ATP2B1: variants seen among roughly 807,000 people sequenced by gnomAD.
ATP2B1 encodes ATPase plasma membrane Ca2+ transporting 1.
A neutral mutation model predicts 124.2 loss-of-function variants in ATP2B1; 14 were observed. The observed-to-expected ratio is 0.11, with a 90% CI of 0.07 to 0.18. The LOEUF (loss-of-function observed/expected upper bound fraction) is 0.18. Ranked by LOEUF, ATP2B1 falls within the 10% of genes least tolerant of loss-of-function variation. ATP2B1 has a pLI of 1.00. For missense variants in ATP2B1, 763 were observed against 1,466.1 expected, an observed-to-expected ratio of 0.52 and a Z score of 7.83; for synonymous variants, 449 against 492.4, an observed-to-expected ratio of 0.91 and a Z score of 1.17.
At position 89,662,690 on chromosome 12, in the gene ATP2B1, C is replaced by G. The variant is rs568813765; in HGVS notation, c.-221-6583G>C. 3.5e-4 allele frequency among the ~76,000 whole-genome samples: 54 copies of G among 152,156 alleles called. No homozygotes were observed. The South Asian group carries it at 5.6e-3, about 16-fold the overall frequency. On this transcript the variant is annotated intron_variant, in intron 1 of 20. Coordinates refer to ENST00000428670, the MANE Select transcript of ATP2B1 (RefSeq NM_001366521.1). ...TAGAGCTGATAAAGCAGAAAATAAG[C>G]ATTATCTAAAATGCCTGATTTATTA...
At chr12:89,696,293 CA>C (rs1443943555) in intron 1 of ATP2B1, among the ~76,000 whole-genome samples, 1 of 152,168 alleles carries the variant, frequency 6.6e-6, no homozygotes, top group Non-Finnish European at 1.5e-5. Context: ...AAATTTTAGT[CA>C]TAAGACCACA....
intron 1 of ATP2B1, among the ~76,000 whole-genome samples, chr12:89,680,856 A>G (rs1181476627): frequency 1.3e-5 from 2 of 152,200 alleles, no homozygotes; most frequent in Admixed American, 6.5e-5. Flanking sequence ...ATTACTTTAA[A>G]AAGTAAGAAA....
intron 1 of ATP2B1, among the ~76,000 whole-genome samples, chr12:89,682,413 G>A (rs553053550): frequency 7.0e-4 from 106 of 152,150 alleles, no homozygotes; most frequent in African/African-American, 1.6e-3. Flanking sequence ...AAACCACAGC[G>A]AAGAATAAAG....
chr12:89,626,324 C>T (rs1482078249), intron 8 of ATP2B1, 130 bp downstream of exon 8: 4 of 1,017,088 alleles, frequency 3.9e-6, no homozygotes, highest in Non-Finnish European at 5.6e-6. Flanking sequence ...GTAGCTAGAA[C>T]TGAAAATATT....
At chr12:89,647,504 T>A (rs1884641992) in intron 2 of ATP2B1, among the ~76,000 whole-genome samples, 2 of 152,156 alleles carry the variant, frequency 1.3e-5, no homozygotes, top group Admixed American at 1.3e-4. Context: ...TATGTCCCAA[T>A]TTAGGAATAA....
At chr12:89,628,973 T>C (rs1023336477) in intron 6 of ATP2B1, among the ~76,000 whole-genome samples, 2 of 151,624 alleles carry the variant, frequency 1.3e-5, no homozygotes, top group South Asian at 2.1e-4. Flanking sequence ...GAAGAAAAAA[T>C]GTTGCCCTGT....
chr12:89,590,917 T>C lies in ATP2B1; in HGVS notation c.*67A>G. Reference sequence around the variant, plus strand: ...GAATACTAGCTTGTCCATCACAATATGTGAAAAGACCCAGTTTCAATTTGT... The same window carrying C: ...GAATACTAGCTTGTCCATCACAATACGTGAAAAGACCCAGTTTCAATTTGT... On this transcript the variant is annotated 3_prime_UTR_variant, in exon 21 of 21. Transcript: ENST00000428670. 1 of 1,444,636 alleles carries C rather than the reference T, an allele frequency of 6.9e-7. No homozygotes were observed. Among genetic ancestry groups the C allele is most frequent in the Non-Finnish European group, 9.5e-7 (1 of 1,049,122 alleles). The allele number at this position is 1,444,636 out of a possible 1,614,324, so 89.5% of individuals were successfully genotyped here.
chr12:89,668,483 T>C (rs1887563696), intron 1 of ATP2B1, among the ~76,000 whole-genome samples: 1 of 152,218 alleles, frequency 6.6e-6, no homozygotes, highest in Non-Finnish European at 1.5e-5. Flanking sequence ...AGCTCCTGAC[T>C]TCCTAATTCT....
At chr12:89,693,858 G>C (rs1189724671) in intron 1 of ATP2B1, among the ~76,000 whole-genome samples, 3 of 152,080 alleles carry the variant, frequency 2.0e-5, no homozygotes, top group African/African-American at 4.8e-5. Context: ...CCAATTTCCT[G>C]GTTCTCTACT....
chr12:89,630,975 T>A (rs952734583), intron 5 of ATP2B1, among the ~76,000 whole-genome samples: 1 of 151,886 alleles, frequency 6.6e-6, no homozygotes, highest in South Asian at 2.1e-4. Flanking sequence ...TCTCACTATA[T>A]TGCTCAGGCT....
At chr12:89,677,204 T>C (rs1462451721) in intron 1 of ATP2B1, among the ~76,000 whole-genome samples, 2 of 152,168 alleles carry the variant, frequency 1.3e-5, no homozygotes, top group African/African-American at 4.8e-5. Context: ...CTGTAGGATA[T>C]TAAACACCTT....
intron 12 of ATP2B1, chr12:89,611,919 G>A (rs1878095954): frequency 6.6e-6 from 1 of 152,148 alleles, no homozygotes; most frequent in Admixed American, 6.6e-5. Flanking sequence ...TGTAAAGTGG[G>A]TATCGATTCA....
At chr12:89,621,156 C>T (rs1478504117) in intron 10 of ATP2B1, among the ~76,000 whole-genome samples, 1 of 152,130 alleles carries the variant, frequency 6.6e-6, no homozygotes, top group Middle Eastern at 3.4e-3. Flanking sequence ...CACATGGCAA[C>T]CATATATAAA....
chr12:89,670,802 A>G (rs1887867844), intron 1 of ATP2B1, among the ~76,000 whole-genome samples: 1 of 152,190 alleles, frequency 6.6e-6, no homozygotes, highest in Non-Finnish European at 1.5e-5. Flanking sequence ...ACAAGTAATC[A>G]TTCGCCTGGT....
At chr12:89,690,968 C>G (rs1275509225) in intron 1 of ATP2B1, among the ~76,000 whole-genome samples, 1 of 152,090 alleles carries the variant, frequency 6.6e-6, no homozygotes, top group Non-Finnish European at 1.5e-5. Flanking sequence ...GTAAATTAGG[C>G]AAGCACTTTA....
intron 2 of ATP2B1, among the ~76,000 whole-genome samples, chr12:89,642,954 A>C (rs772417352): frequency 7.2e-5 from 11 of 151,974 alleles, no homozygotes; most frequent in Non-Finnish European, 1.5e-4. Flanking sequence ...TGTAGATGTT[A>C]GCAATCAGAA....
intron 5 of ATP2B1, 121 bp from the exon 6 acceptor site, chr12:89,630,766 A>AATGTAAAT: frequency 3.6e-6 from 1 of 279,956 alleles, no homozygotes. Flanking sequence ...AATATATATA[A>AATGTAAAT]ATATAAATAT....
intron 20 of ATP2B1, among the ~76,000 whole-genome samples, chr12:89,597,471 G>A (rs1289183050): frequency 6.6e-6 from 1 of 152,118 alleles, no homozygotes; most frequent in Non-Finnish European, 1.5e-5. Flanking sequence ...AGTTCTTACT[G>A]TGCCTGTTTC....
rs1881137623 is a variant in ATP2B1 at position 89,627,820 on chromosome 12, G to GGTGTGTGTGTCTACAGA, written c.929-121_929-105dup. On this transcript the variant is annotated intron_variant, in intron 6 of 20. Coordinates refer to ENST00000428670, the MANE Select transcript of ATP2B1 (RefSeq NM_001366521.1). The stretch of plus-strand genomic sequence containing the variant: ...ATTTCTATAACAGTTGTTACACAAT[G>GGTGTGTGTGTCTACAGA]GTGTGTGTGTCTACAGATTAGAAAA... The GGTGTGTGTGTCTACAGA allele has an allele frequency of 1.4e-5, 17 of 1,223,534 alleles. 1 individual carries two copies. The South Asian group carries it at 1.8e-4, about 13-fold the overall frequency. 75.8% of individuals were successfully genotyped at this position (1,223,534 alleles called of 1,614,324 possible). A position where few individuals can be genotyped will look rare whatever the true frequency, so the allele number is the denominator to read the frequency against.
Sources: gnomAD v4.1 joint callset for allele counts (sites outside exome capture counted in the v4.1 genomes callset) on GRCh38, gnomAD v4.1.1 for gene constraint, MANE v1.5 for transcripts, NCBI Gene and HGNC (gene_info 2026-07-23, HGNC 2026-07-21) for gene names.